The following HMCN1 variants were observed in gnomAD, a reference collection of about 807,000 sequenced individuals.
HMCN1 encodes the protein hemicentin-1.
HMCN1 carries 321 observed loss-of-function variants against 625.9 expected under a neutral mutation model. The ratio of observed to expected loss-of-function variants is 0.51; its 90% CI spans 0.47 to 0.56. The LOEUF (loss-of-function observed/expected upper bound fraction) is 0.56, where lower values mean the gene tolerates loss of function less well. Ranked by LOEUF, HMCN1 falls within the 20% of genes least tolerant of loss-of-function variation. The pLI, the probability that HMCN1 is intolerant of heterozygous loss-of-function variation, is 0.00. For missense variants in HMCN1, 6,588 were observed against 6,887.3 expected (o/e 0.96, Z 1.54); for synonymous variants, 2,425 against 2,417.6 (o/e 1.00, Z -0.09).
intron 2 of HMCN1, among the ~76,000 whole-genome samples, chr1:185,857,195 G>A (rs190539181): frequency 9.7e-4 from 148 of 152,260 alleles, no homozygotes; most frequent in African/African-American, 3.2e-3. Flanking sequence ...AACATTTACT[G>A]TGAAAGCTCA....
chr1:186,086,160 G>C, intron 57 of HMCN1, 86 bp from the exon 58 acceptor site: 2 of 1,218,166 alleles, frequency 1.6e-6, no homozygotes, highest in Non-Finnish European at 1.2e-6. Flanking sequence ...TCCTTTAGCA[G>C]AGTACAGTGG....
intron 103 of HMCN1, among the ~76,000 whole-genome samples, chr1:186,175,381 G>T (rs933751977): frequency 6.6e-6 from 1 of 152,044 alleles, no homozygotes; most frequent in African/African-American, 2.4e-5. Context: ...TTGCCTTCTT[G>T]TCCACTTAAT....
Position 185,965,878 on chromosome 1 carries a change from C to G in HMCN1, c.2175C>G (p.Thr725=), listed in dbSNP as rs766674125. 6.8e-6 allele frequency: 11 copies of G among 1,606,874 alleles called. No homozygotes were observed. Among genetic ancestry groups the G allele is most frequent in the Non-Finnish European group, 7.7e-6 (9 of 1,173,586 alleles). ...ATATAACCGTTATGGAATGCAAAACCTCTGGTATTCCTCCACCTCAAGTTA... is the reference window on the plus strand; with the variant it reads ...ATATAACCGTTATGGAATGCAAAACGTCTGGTATTCCTCCACCTCAAGTTA... ...LGDITVMECK[T]SGIPPPQVKW... The change falls in exon 14 of 107, where the codon ACC becomes ACG. Residue 725 remains threonine, a synonymous_variant. Coordinates refer to ENST00000271588, the MANE Select transcript of HMCN1 (RefSeq NM_031935.3).
intron 1 of HMCN1, among the ~76,000 whole-genome samples, chr1:185,799,617 C>T (rs1033507078): frequency 6.6e-6 from 1 of 152,100 alleles, no homozygotes; most frequent in Non-Finnish European, 1.5e-5. Flanking sequence ...GTTGTAGTGG[C>T]AGGTAGGTCA....
chr1:186,145,937 T>G lies in HMCN1; in HGVS notation c.14608+14T>G, dbSNP rs150050864. 1.1e-5 allele frequency: 17 copies of G among 1,613,330 alleles called. No individual in the cohort carries two copies. In the East Asian group the frequency reaches 3.6e-4, roughly 34 times the overall value. ...AAGCATGTCCAGGTAAGCAACTAAA[T>G]TGGACTTTGGTAGCACATTTAGAGC... On this transcript the variant is annotated intron_variant, in intron 93 of 106. Transcript: ENST00000271588.
At chr1:186,126,129 T>A (rs1473381790) in intron 82 of HMCN1, among the ~76,000 whole-genome samples, 4 of 152,046 alleles carry the variant, frequency 2.6e-5, no homozygotes, top group Non-Finnish European at 5.9e-5. Flanking sequence ...ATTGTAATTT[T>A]TATGCTATAT....
intron 18 of HMCN1, among the ~76,000 whole-genome samples, 180 bp downstream of exon 18, chr1:185,982,569 T>C (rs1287938404): frequency 6.6e-6 from 1 of 151,510 alleles, no homozygotes; most frequent in African/African-American, 2.4e-5. Flanking sequence ...GCCTCCAGAG[T>C]AGCAGGATTA....
At chr1:185,999,264 AT>A (rs979444314) in intron 25 of HMCN1, among the ~76,000 whole-genome samples, 28 of 152,074 alleles carry the variant, frequency 1.8e-4, no homozygotes, top group African/African-American at 6.5e-4. Context: ...AGATTAAATA[AT>A]TTTTTTAAAT....
chr1:185,796,769 C>G (rs1658414264), intron 1 of HMCN1, among the ~76,000 whole-genome samples: 1 of 152,182 alleles, frequency 6.6e-6, no homozygotes, highest in Admixed American at 6.5e-5. Flanking sequence ...TAGGTTGACT[C>G]CATATCTTTC....
At position 186,136,824 on chromosome 1, in the gene HMCN1, C is replaced by T; in HGVS notation, c.13469C>T (p.Ser4490Phe). 6.2e-7 allele frequency: 1 copy of T among 1,614,038 alleles called. No individual in the cohort carries two copies. Among genetic ancestry groups the T allele is most frequent in the Non-Finnish European group, 8.5e-7 (1 of 1,179,964 alleles). ...ISWDDRVNVLSNNSLYIADAQ... is the reference protein window; with the variant it reads ...ISWDDRVNVLFNNSLYIADAQ... ...TGGGATGACCGGGTTAACGTGTTGT[C>T]CAACAACTCATTATATATTGCTGAT... Residue 4490 changes from serine (S) to phenylalanine (F), a missense_variant, in exon 87 of 107, where the codon TCC becomes TTC. Physicochemically the swap from Ser to Phe is radical, Grantham distance 155. Transcript: ENST00000271588.
At chr1:185,759,858 G>A (rs147204306) in intron 1 of HMCN1, among the ~76,000 whole-genome samples, 3 of 152,082 alleles carry the variant, frequency 2.0e-5, no homozygotes, top group Admixed American at 6.6e-5. Flanking sequence ...TGTGAATATG[G>A]AAGACTCTTA....
At chr1:185,927,079 A>G (rs1409449086) in intron 9 of HMCN1, among the ~76,000 whole-genome samples, 1 of 152,218 alleles carries the variant, frequency 6.6e-6, no homozygotes, top group Non-Finnish European at 1.5e-5. Context: ...TCCTTTCTGT[A>G]TCTCAACTTT....
intron 11 of HMCN1, among the ~76,000 whole-genome samples, chr1:185,956,455 A>G (rs1293612287): frequency 6.6e-6 from 1 of 152,164 alleles, no homozygotes; most frequent in African/African-American, 2.4e-5. Context: ...GACACACTTT[A>G]CTTTTACTCA....
intron 1 of HMCN1, among the ~76,000 whole-genome samples, chr1:185,812,808 A>C (rs1054454003): frequency 5.9e-5 from 9 of 151,790 alleles, no homozygotes; most frequent in Admixed American, 1.3e-4. Flanking sequence ...ATCCCCCCCC[A>C]CACACATTCC....
In HMCN1 at chr1:185,799,126, C is replaced by T. The variant is rs374305551; in HGVS notation, c.269-46900C>T. Among the ~76,000 whole-genome samples, 26 of 152,230 alleles carry T rather than the reference C, an allele frequency of 1.7e-4. 1 individual carries two copies. Among genetic ancestry groups the T allele is most frequent in the African/African-American group, 5.8e-4 (24 of 41,522 alleles). On this transcript the variant is annotated intron_variant, in intron 1 of 106. Transcript: ENST00000271588. Reference sequence around the variant, plus strand: ...AAGGGTGCTTTTGGTGGCAAAGTATCGTATAAGTTCCTTGGTTATAGATAG... The same window carrying T: ...AAGGGTGCTTTTGGTGGCAAAGTATTGTATAAGTTCCTTGGTTATAGATAG...
chr1:186,143,164 C>T (rs1250657957), intron 89 of HMCN1, among the ~76,000 whole-genome samples: 2 of 152,138 alleles, frequency 1.3e-5, no homozygotes, highest in Admixed American at 1.3e-4. Context: ...CAGTCAGAAA[C>T]CCATTAACTA....
chr1:186,052,298 G>A (rs78715102), intron 42 of HMCN1, among the ~76,000 whole-genome samples: 2,926 of 152,048 alleles, frequency 0.019, 92 homozygotes, highest in African/African-American at 0.061. Context: ...AGAACAAGCC[G>A]TCTACCAGCT....
intron 1 of HMCN1, among the ~76,000 whole-genome samples, chr1:185,779,299 C>G (rs1656872984): frequency 6.6e-6 from 1 of 152,152 alleles, no homozygotes; most frequent in African/African-American, 2.4e-5. Context: ...TGTAGGTTGC[C>G]TGTTCACTCT....
intron 1 of HMCN1, among the ~76,000 whole-genome samples, chr1:185,763,450 A>G (rs532576785): frequency 3.4e-4 from 52 of 152,234 alleles, no homozygotes; most frequent in Admixed American, 1.1e-3. Flanking sequence ...ATCTAAAATC[A>G]TATCTTTTAC....
Sources: gnomAD v4.1 joint callset for allele counts (sites outside exome capture counted in the v4.1 genomes callset) on GRCh38, gnomAD v4.1.1 for gene constraint, MANE v1.5 for transcripts, NCBI Gene and HGNC (gene_info 2026-07-23, HGNC 2026-07-21) for gene names.